HACD3: variants seen among roughly 807,000 people sequenced by gnomAD.
HACD3 encodes 3-hydroxyacyl-CoA dehydratase 3, also known as very-long-chain (3R)-3-hydroxyacyl-CoA dehydratase 3.
A neutral mutation model predicts 55.2 loss-of-function variants in HACD3; 30 were observed. That is an observed-to-expected ratio of 0.54 (90% CI 0.41 to 0.74). The LOEUF is 0.74. Ranked by LOEUF, HACD3 falls within the 30% of genes least tolerant of loss-of-function variation. HACD3 has a pLI of 0.00. For synonymous variants in HACD3, 141 were observed against 151.7 expected, an observed-to-expected ratio of 0.93 and a Z score of 0.52; for missense variants, 363 against 440.1, an observed-to-expected ratio of 0.82 and a Z score of 1.57.
chr15:65,537,865 A>G (rs2071971347), intron 1 of HACD3, among the ~76,000 whole-genome samples: 2 of 143,956 alleles, frequency 1.4e-5, no homozygotes, highest in South Asian at 4.4e-4. Flanking sequence ...CGACTCCTGG[A>G]TGATAGCACA....
intron 1 of HACD3, chr15:65,534,322 A>G (rs1241315028): frequency 6.6e-6 from 1 of 152,236 alleles, no homozygotes. Context: ...CAGTCATCAC[A>G]TCTCTATTCT....
At chr15:65,542,691 G>A (rs1039723750) in intron 1 of HACD3, among the ~76,000 whole-genome samples, 1 of 152,150 alleles carries the variant, frequency 6.6e-6, no homozygotes, top group Non-Finnish European at 1.5e-5. Flanking sequence ...AAGGAGGATG[G>A]GTTTGGGAGC....
intron 9 of HACD3, 44 bp downstream of exon 9, chr15:65,571,698 G>T (rs115173804): frequency 6.9e-7 from 1 of 1,458,724 alleles, no homozygotes; most frequent in Non-Finnish European, 9.6e-7. Context: ...GCTCCAGGGG[G>T]TACCCAGAGG....
At chr15:65,573,667 T>G (rs1177804911) in intron 10 of HACD3, among the ~76,000 whole-genome samples, 1 of 152,156 alleles carries the variant, frequency 6.6e-6, no homozygotes, top group Non-Finnish European at 1.5e-5. Context: ...CAACTATACA[T>G]GATTCTACCC....
chr15:65,567,475 A>G (rs2072303349), intron 7 of HACD3, among the ~76,000 whole-genome samples: 1 of 152,204 alleles, frequency 6.6e-6, no homozygotes, highest in Admixed American at 6.5e-5. Context: ...ATAAGACTCA[A>G]TATTATAATA....
chr15:65,532,727 A>T (rs764534329), intron 1 of HACD3, among the ~76,000 whole-genome samples: 4 of 151,898 alleles, frequency 2.6e-5, no homozygotes, highest in Non-Finnish European at 5.9e-5. Context: ...CTGGGGTTTC[A>T]CATCTGTAGT....
chr15:65,572,914 CA>C (rs60226731), intron 10 of HACD3, among the ~76,000 whole-genome samples: 15,925 of 106,152 alleles, frequency 0.15, 1,344 homozygotes, highest in East Asian at 0.63. Flanking sequence ...GACTTTGTCT[CA>C]AAAAAAAAAA....
At chr15:65,569,865 T>C (rs1255426421) in intron 7 of HACD3, among the ~76,000 whole-genome samples, 1 of 152,222 alleles carries the variant, frequency 6.6e-6, no homozygotes, top group Non-Finnish European at 1.5e-5. Context: ...GTCTGTATTT[T>C]AAAGAAATGA....
chr15:65,572,254 C>T lies in HACD3; in HGVS notation c.900C>T (p.Ser300=). The T allele has an allele frequency of 6.2e-7, 1 of 1,612,752 alleles. No homozygotes were observed. Among genetic ancestry groups the T allele is most frequent in the Non-Finnish European group, 8.5e-7 (1 of 1,179,662 alleles). The change falls in exon 10 of 11, where the codon TCC becomes TCT. Residue 300 remains serine (S), a synonymous_variant. Transcript: ENST00000261875. ...CLAEAVSVIQ[S]IPIFNETGRF... Reference sequence around the variant, plus strand: ...TTTCAGCTGTCTCAGTGATTCAGTCCATTCCAATATTCAATGAGACCGGAC... The same window carrying T: ...TTTCAGCTGTCTCAGTGATTCAGTCTATTCCAATATTCAATGAGACCGGAC...
chr15:65,555,050 A>T (rs1395513605), intron 3 of HACD3, 90 bp downstream of exon 3: 1 of 1,052,882 alleles, frequency 9.5e-7, no homozygotes, highest in Non-Finnish European at 1.4e-6. Context: ...TGTGGAGAGA[A>T]GAAGATAAAA....
At chr15:65,533,388 G>A (rs369514928) in intron 1 of HACD3, among the ~76,000 whole-genome samples, 147 of 152,298 alleles carry the variant, frequency 9.7e-4, no homozygotes, top group African/African-American at 3.4e-3. Context: ...TACCTGTAGG[G>A]CAGGGAGACT....
In HACD3 at chr15:65,564,532, C is replaced by T. The variant is rs113297756; in HGVS notation, c.660+190C>T. ...AAGGTCTCACGATCATGGTGGAGGGCGAAAGGCACTTCTTACGTGGTGGCG... is the reference window on the plus strand; with the variant it reads ...AAGGTCTCACGATCATGGTGGAGGGTGAAAGGCACTTCTTACGTGGTGGCG... On this transcript the variant is annotated intron_variant, in intron 7 of 10. Coordinates refer to ENST00000261875, the MANE Select transcript of HACD3 (RefSeq NM_016395.4). 37,212 of 662,666 alleles carry T rather than the reference C, an allele frequency of 0.056. 1,169 individuals carry two copies. Among genetic ancestry groups the T allele is most frequent in the African/African-American group, 0.083 (4,477 of 53,728 alleles). 41.0% of individuals were successfully genotyped at this position (662,666 alleles called of 1,614,324 possible).
chr15:65,546,983 T>C (rs2072083600), intron 1 of HACD3, among the ~76,000 whole-genome samples: 2 of 152,186 alleles, frequency 1.3e-5, no homozygotes, highest in South Asian at 4.1e-4. Flanking sequence ...TCTGGAGAAA[T>C]CCACGTATAA....
At chr15:65,551,776 GTTTCCCTTTT>G in intron 2 of HACD3, 58 bp downstream of exon 2, 1 of 1,584,330 alleles carries the variant, frequency 6.3e-7, no homozygotes, top group Non-Finnish European at 8.6e-7. Flanking sequence ...TGTGGTGGTG[GTTTCCCTTTT>G]TTAAAAAAAT....
At chr15:65,537,948 AAAAAAAAAAAATATATATAT>A (rs1490289006) in intron 1 of HACD3, among the ~76,000 whole-genome samples, 65 of 67,970 alleles carry the variant, frequency 9.6e-4, no homozygotes, top group African/African-American at 2.1e-3. Context: ...AAAAAAAAAA[AAAAAAAAAAAATATATATAT>A]ATATATATAT....
intron 9 of HACD3, 104 bp from the exon 10 acceptor site, chr15:65,572,131 C>T: frequency 1.4e-6 from 2 of 1,454,222 alleles, no homozygotes; most frequent in Non-Finnish European, 1.9e-6. Context: ...AAAGCCTTTC[C>T]AGCACACCCA....
chr15:65,552,711 C>CT (rs2072146687), intron 2 of HACD3, among the ~76,000 whole-genome samples: 1 of 149,750 alleles, frequency 6.7e-6, no homozygotes, highest in Non-Finnish European at 1.5e-5. Flanking sequence ...TTTTATTATA[C>CT]TTTAAGTTTT....
intron 1 of HACD3, among the ~76,000 whole-genome samples, chr15:65,536,122 T>G (rs2071952732): frequency 6.6e-6 from 1 of 152,176 alleles, no homozygotes; most frequent in African/African-American, 2.4e-5. Flanking sequence ...CCTCAAGTGA[T>G]CCTTCCACCT....
intron 5 of HACD3, among the ~76,000 whole-genome samples, chr15:65,560,616 G>A (rs1300529409): frequency 6.6e-6 from 1 of 152,072 alleles, no homozygotes; most frequent in Non-Finnish European, 1.5e-5. Flanking sequence ...GGGCAACGTA[G>A]CAAGACTGTG....
Sources: allele counts gnomAD v4.1 joint callset (sites outside exome capture counted in the v4.1 genomes callset), GRCh38; gene constraint gnomAD v4.1.1; transcripts MANE v1.5; gene names NCBI Gene and HGNC (gene_info 2026-07-23, HGNC 2026-07-21).